The following RHOBTB1 variants were observed in gnomAD, a reference collection of about 807,000 sequenced individuals.
RHOBTB1 encodes the protein rho-related BTB domain-containing protein 1.
Under a neutral mutation model 71.6 loss-of-function variants are expected in RHOBTB1, and 40 were observed. The ratio of observed to expected loss-of-function variants is 0.56; its 90% CI spans 0.43 to 0.73. The LOEUF is 0.73. Among genes scored for constraint, RHOBTB1 ranks in the 30% least tolerant of loss-of-function variants. The pLI is 0.00. For missense variants in RHOBTB1, 797 were observed against 894.0 expected (o/e 0.89, Z 1.38); for synonymous variants, 319 against 334.9 (o/e 0.95, Z 0.52).
rs376601979 is a variant in RHOBTB1, at chr10:60,996,716, C to T, written c.-163+4683G>A. 4.3e-4 allele frequency among the ~76,000 whole-genome samples: 65 copies of T among 152,312 alleles called. 1 individual carries two copies. Among genetic ancestry groups the T allele is most frequent in the Admixed American group, 1.6e-3 (25 of 15,292 alleles). On this transcript the variant is annotated intron_variant, in intron 1 of 11. Transcript: ENST00000357917. ...ACTTCTAGAAACTAATGACACTGAA[C>T]ACTAATGTTCTCTGATCAGGAATGC...
intron 2 of RHOBTB1, among the ~76,000 whole-genome samples, chr10:60,967,347 C>A (rs1465846745): frequency 5.6e-5 from 8 of 143,020 alleles, no homozygotes; most frequent in Non-Finnish European, 1.2e-4. Flanking sequence ...GGCTGGAGTG[C>A]AATGGCCCTG....
At chr10:60,993,688 C>G (rs2893873) in intron 1 of RHOBTB1, among the ~76,000 whole-genome samples, 82,678 of 151,574 alleles carry the variant, frequency 0.55, 22,806 homozygotes, top group East Asian at 0.73. Context: ...TTATATTGCT[C>G]TACGGTGTAT....
chr10:60,914,807 T>C (rs1216807680), intron 2 of RHOBTB1, among the ~76,000 whole-genome samples: 1 of 152,198 alleles, frequency 6.6e-6, no homozygotes, highest in African/African-American at 2.4e-5. Context: ...TAAGAAGAAT[T>C]TCTGTGTCAA....
intron 3 of RHOBTB1, 40 bp from the exon 4 acceptor site, chr10:60,911,030 C>G: frequency 6.5e-7 from 1 of 1,538,588 alleles, no homozygotes; most frequent in Non-Finnish European, 9.0e-7. Flanking sequence ...CGGTGTCAGT[C>G]AGAAGTTCCC....
chr10:60,948,774 G>A (rs1293846228), upstream of RHOBTB1, among the ~76,000 whole-genome samples: 1 of 152,228 alleles, frequency 6.6e-6, no homozygotes, highest in Admixed American at 6.5e-5. Context: ...GATTCTTGCA[G>A]TTAAGCCAGT....
intron 2 of RHOBTB1, among the ~76,000 whole-genome samples, chr10:60,913,644 A>G (rs2083111274): frequency 6.6e-6 from 1 of 152,094 alleles, no homozygotes. Context: ...TTGAGGAGGG[A>G]GTTCTGCTTC....
intron 5 of RHOBTB1, among the ~76,000 whole-genome samples, chr10:60,891,643 C>G (rs954610968): frequency 6.6e-6 from 1 of 151,952 alleles, no homozygotes; most frequent in Admixed American, 6.6e-5. Context: ...CCACTGTGCC[C>G]AGCCTAGAGG....
At chr10:60,899,495 C>G (rs2082311913) in intron 4 of RHOBTB1, among the ~76,000 whole-genome samples, 1 of 152,148 alleles carries the variant, frequency 6.6e-6, no homozygotes, top group Non-Finnish European at 1.5e-5. Context: ...ATTAACCTCC[C>G]CGACTCTTCT....
At chr10:60,940,765 T>G (rs1422255037) in intron 2 of RHOBTB1, among the ~76,000 whole-genome samples, 1 of 152,180 alleles carries the variant, frequency 6.6e-6, no homozygotes, top group Non-Finnish European at 1.5e-5. Context: ...AAAAAAAATG[T>G]GCTTGGAAAT....
At chr10:60,877,787 C>A (rs1034485939) in intron 8 of RHOBTB1, 121 bp downstream of exon 8, 70 of 929,406 alleles carry the variant, frequency 7.5e-5, no homozygotes, top group Admixed American at 2.2e-4. Context: ...TCATTCTACA[C>A]AAGACAGTCC....
intron 2 of RHOBTB1, among the ~76,000 whole-genome samples, chr10:60,919,838 G>T (rs1176242341): frequency 6.6e-6 from 1 of 152,140 alleles, no homozygotes; most frequent in African/African-American, 2.4e-5. Flanking sequence ...AGATCAGTGG[G>T]GGAGATGAAC....
At chr10:60,910,763 C>T in intron 4 of RHOBTB1, 124 bp downstream of exon 4, 2 of 614,266 alleles carry the variant, frequency 3.3e-6, no homozygotes, top group Non-Finnish European at 2.9e-6. Flanking sequence ...TTCTTAGACA[C>T]AGTGCAGAAC....
chr10:60,985,414 C>T (rs2086629937), intron 2 of RHOBTB1, among the ~76,000 whole-genome samples: 1 of 152,176 alleles, frequency 6.6e-6, no homozygotes, highest in Non-Finnish European at 1.5e-5. Flanking sequence ...GCGGATGCTC[C>T]AAGCTAAGGC....
chr10:60,924,653 A>T (rs973755398), intron 2 of RHOBTB1, among the ~76,000 whole-genome samples: 4 of 152,214 alleles, frequency 2.6e-5, no homozygotes, highest in African/African-American at 9.6e-5. Flanking sequence ...TGGACCTAAC[A>T]GACATTTACA....
Position 60,959,900 on chromosome 10 carries a change from G to A in RHOBTB1, c.-61-18046C>T, listed in dbSNP as rs541849465. On this transcript the variant is annotated intron_variant, in intron 2 of 11. Transcript: ENST00000357917. ...AAGATTAAATACAATTATGTAAATG[G>A]AGCACTTAACATATTCACTGCACAT... 4.2e-3 allele frequency among the ~76,000 whole-genome samples: 643 copies of A among 152,236 alleles called. 1 individual carries two copies. Among genetic ancestry groups the A allele is most frequent in the Non-Finnish European group, 7.1e-3 (481 of 68,016 alleles).
chr10:60,964,116 A>T (rs1048784592), intron 2 of RHOBTB1, among the ~76,000 whole-genome samples: 5 of 152,150 alleles, frequency 3.3e-5, no homozygotes, highest in Non-Finnish European at 5.9e-5. Context: ...TAATCTTAGC[A>T]AAATGAGATT....
chr10:60,898,215 A>G (rs756001752), intron 4 of RHOBTB1, among the ~76,000 whole-genome samples: 11 of 152,102 alleles, frequency 7.2e-5, no homozygotes, highest in Non-Finnish European at 1.5e-4. Flanking sequence ...GTCACTGTGC[A>G]TGAGTCCCCC....
At chr10:60,977,287 A>G (rs1350474031) in intron 2 of RHOBTB1, among the ~76,000 whole-genome samples, 1 of 152,074 alleles carries the variant, frequency 6.6e-6, no homozygotes, top group East Asian at 1.9e-4. Context: ...GCTCAATATA[A>G]TATAATGCAA....
At chr10:60,969,595 G>A (rs1393922970) in intron 2 of RHOBTB1, among the ~76,000 whole-genome samples, 1 of 152,028 alleles carries the variant, frequency 6.6e-6, no homozygotes, top group African/African-American at 2.4e-5. Flanking sequence ...GACAGATTAT[G>A]GCTCAATTAG....
Sources: allele counts gnomAD v4.1 joint callset (sites outside exome capture counted in the v4.1 genomes callset), GRCh38; gene constraint gnomAD v4.1.1; transcripts MANE v1.5; gene names NCBI Gene and HGNC (gene_info 2026-07-23, HGNC 2026-07-21).